The following ENOX2 variants were observed in gnomAD, a reference collection of about 807,000 sequenced individuals.
The protein encoded by ENOX2 is ecto-NOX disulfide-thiol exchanger 2, also known as APK1 antigen.
In ENOX2, 36 loss-of-function variants were observed where a neutral mutation model predicts 45.0. The ratio of observed to expected loss-of-function variants is 0.80; its 90% CI spans 0.61 to 1.06. The LOEUF is 1.06. Among genes scored for constraint, ENOX2 ranks in the 50% least tolerant of loss-of-function variants. The pLI is 0.00. For missense variants in ENOX2, 423 were observed against 462.5 expected (o/e 0.91, Z 0.78); for synonymous variants, 174 against 152.3 (o/e 1.14, Z -1.05).
chrX:130,899,391 G>A (rs148476940), intron 2 of ENOX2, among the ~76,000 whole-genome samples: 1 of 111,947 alleles, frequency 8.9e-6, no homozygotes, highest in East Asian at 2.8e-4. Context: ...TCTTCTGGAT[G>A]CTATGGGTAT....
chrX:130,757,967 C>A (rs1400458389), intron 3 of ENOX2, among the ~76,000 whole-genome samples: 1 of 111,745 alleles, frequency 8.9e-6, no homozygotes, highest in Non-Finnish European at 1.9e-5. Flanking sequence ...TCTCAAACTC[C>A]TGGTTTCCTT....
intron 2 of ENOX2, among the ~76,000 whole-genome samples, chrX:130,870,572 T>C (rs2078560925): frequency 9.0e-6 from 1 of 111,250 alleles, no homozygotes; most frequent in Non-Finnish European, 1.9e-5. Context: ...AAACGTCAAC[T>C]GGGGGGAAGA....
At chrX:130,648,073 A>G (rs930334989) in intron 10 of ENOX2, among the ~76,000 whole-genome samples, 7 of 112,322 alleles carry the variant, frequency 6.2e-5, no homozygotes, top group Admixed American at 5.7e-4. Flanking sequence ...AATGTATAAG[A>G]AAGTTAAAAG....
At chrX:130,899,094 CA>C (rs2079105068) in intron 2 of ENOX2, among the ~76,000 whole-genome samples, 1 of 109,974 alleles carries the variant, frequency 9.1e-6, no homozygotes, top group Admixed American at 9.7e-5. Context: ...AAGTAATGGG[CA>C]GGGCTAAGGA....
At chrX:130,656,810 C>A in intron 9 of ENOX2, 115 bp from the exon 10 acceptor site, 1 of 467,240 alleles carries the variant, frequency 2.1e-6, no homozygotes, top group South Asian at 3.2e-5. Flanking sequence ...GGAAAAAAAT[C>A]CTCCAAATAC....
intron 4 of ENOX2, among the ~76,000 whole-genome samples, chrX:130,692,872 A>T (rs1007568496): frequency 9.1e-5 from 10 of 110,261 alleles, no homozygotes; most frequent in Admixed American, 6.8e-4. Flanking sequence ...TTACAGCATG[A>T]GCCACCAGGC....
At chrX:130,799,249 T>C (rs2077179456) in intron 2 of ENOX2, among the ~76,000 whole-genome samples, 1 of 111,757 alleles carries the variant, frequency 8.9e-6, no homozygotes, top group South Asian at 3.9e-4. Context: ...ATGCTTCCTG[T>C]CCTTGAACAT....
At chrX:130,653,426 T>C (rs1306771472) in intron 10 of ENOX2, among the ~76,000 whole-genome samples, 1 of 112,135 alleles carries the variant, frequency 8.9e-6, no homozygotes, top group Non-Finnish European at 1.9e-5. Flanking sequence ...CTCCATAATT[T>C]GGACCCATCT....
intron 2 of ENOX2, among the ~76,000 whole-genome samples, chrX:130,836,519 A>G (rs1603365224): frequency 9.0e-6 from 1 of 111,311 alleles, no homozygotes; most frequent in African/African-American, 3.3e-5. Context: ...GGGGGTTTTC[A>G]GCAGTCTGAG....
chrX:130,746,894 A>G (rs916146665), intron 3 of ENOX2, among the ~76,000 whole-genome samples: 17 of 112,535 alleles, frequency 1.5e-4, no homozygotes, highest in African/African-American at 5.5e-4. Context: ...CAGGACAGCT[A>G]TGTGCAAGTC....
intron 10 of ENOX2, among the ~76,000 whole-genome samples, chrX:130,652,077 G>T (rs779323096): frequency 9.0e-6 from 1 of 111,619 alleles, no homozygotes; most frequent in African/African-American, 3.3e-5. Flanking sequence ...CTTGATCTAT[G>T]GTCTTTGTTT....
intron 2 of ENOX2, among the ~76,000 whole-genome samples, chrX:130,860,298 T>A (rs190081540): frequency 8.9e-6 from 1 of 111,978 alleles, no homozygotes; most frequent in Admixed American, 9.4e-5. Flanking sequence ...AGGGCTCAGT[T>A]CTTAGATCTC....
chrX:130,848,331 A>C (rs1453289426), intron 2 of ENOX2, among the ~76,000 whole-genome samples: 1 of 111,916 alleles, frequency 8.9e-6, no homozygotes, highest in Non-Finnish European at 1.9e-5. Context: ...GGAAAAAAAA[A>C]GCAGAGAGTA....
At position 130,631,556 on chromosome X, in the gene ENOX2, C is replaced by G. The variant is rs775441182; in HGVS notation, c.1440G>C (p.Leu480=). The G allele has an allele frequency of 8.4e-7, 1 of 1,190,860 alleles. No homozygotes were observed. The highest frequency in any genetic ancestry group is 1.1e-6 in the Non-Finnish European group (1 of 876,495). The part of the protein sequence containing the change: ...LKEKESCASR[L]CASNQDSEYP... ...ATTCGCTATCCTGGTTTGAGGCACACAGCCTAGAAGCACAGCTTTCCTGTG... is the reference window on the plus strand; with the variant it reads ...ATTCGCTATCCTGGTTTGAGGCACAGAGCCTAGAAGCACAGCTTTCCTGTG... Residue 480 remains leucine, a synonymous_variant, in exon 13 of 15, where the codon CTG becomes CTC. Coordinates refer to ENST00000394363, the MANE Select transcript of ENOX2 (RefSeq NM_006375.4).
At chrX:130,843,471 A>G (rs1042446842) in intron 2 of ENOX2, among the ~76,000 whole-genome samples, 4 of 110,997 alleles carry the variant, frequency 3.6e-5, no homozygotes, top group African/African-American at 1.3e-4. Flanking sequence ...TGACCTAAAA[A>G]CTTTCCGGTG....
chrX:130,663,874 G>A (rs2036763959), intron 9 of ENOX2, among the ~76,000 whole-genome samples: 1 of 111,270 alleles, frequency 9.0e-6, no homozygotes. Flanking sequence ...ACTCCCTGAG[G>A]GCAAAGATCA....
chrX:130,668,433 A>G (rs779212075), intron 7 of ENOX2, among the ~76,000 whole-genome samples: 3 of 111,770 alleles, frequency 2.7e-5, no homozygotes, highest in African/African-American at 6.5e-5. Context: ...TTTTATTTCT[A>G]TATTTCTCCA....
intron 13 of ENOX2, among the ~76,000 whole-genome samples, chrX:130,630,282 C>T (rs777111918): frequency 9.9e-5 from 11 of 111,045 alleles, no homozygotes; most frequent in African/African-American, 2.3e-4. Context: ...CCGTGGTCCC[C>T]GGGGCGCACA....
chrX:130,719,879 A>C (rs965436076), intron 3 of ENOX2, among the ~76,000 whole-genome samples: 1 of 112,312 alleles, frequency 8.9e-6, no homozygotes, highest in Non-Finnish European at 1.9e-5. Flanking sequence ...TCTATCTTTA[A>C]AAAGAATAAA....
Sources: gnomAD v4.1 joint callset for allele counts (sites outside exome capture counted in the v4.1 genomes callset) on GRCh38, gnomAD v4.1.1 for gene constraint, MANE v1.5 for transcripts, NCBI Gene and HGNC (gene_info 2026-07-23, HGNC 2026-07-21) for gene names.